PASD1: variants seen among roughly 807,000 people sequenced by gnomAD.
The protein encoded by PASD1 is circadian clock protein PASD1.
In PASD1, 13 loss-of-function variants were observed where a neutral mutation model predicts 58.8. The observed-to-expected ratio is 0.22, with a 90% confidence interval of 0.14 to 0.35. The LOEUF (loss-of-function observed/expected upper bound fraction) is 0.35. PASD1 is among the 10% of genes least tolerant of loss of function. The pLI is 1.00. For missense variants in PASD1, 734 were observed against 568.3 expected (o/e 1.29, Z -2.96); for synonymous variants, 236 against 216.7 (o/e 1.09, Z -0.78).
At chrX:151,602,510 C>T (rs1231567486) in intron 2 of PASD1, among the ~76,000 whole-genome samples, 2 of 110,237 alleles carry the variant, frequency 1.8e-5, no homozygotes, top group Admixed American at 9.7e-5. Context: ...GCCTGGCCAA[C>T]GTGGTGAAAC....
At chrX:151,618,752 CAGG>C (rs1468762045) in intron 4 of PASD1, among the ~76,000 whole-genome samples, 4 of 111,248 alleles carry the variant, frequency 3.6e-5, no homozygotes, top group Non-Finnish European at 5.7e-5. Flanking sequence ...CTTCACATTT[CAGG>C]AGGAGTTAGT....
intron 8 of PASD1, among the ~76,000 whole-genome samples, chrX:151,627,004 A>G (rs1275084055): frequency 3.6e-5 from 4 of 111,443 alleles, no homozygotes; most frequent in African/African-American, 1.3e-4. Flanking sequence ...CATGGTGGCT[A>G]GCTATTTACA....
chrX:151,588,642 A>G (rs1228666111), intron 1 of PASD1, among the ~76,000 whole-genome samples: 1 of 111,687 alleles, frequency 9.0e-6, no homozygotes, highest in Non-Finnish European at 1.9e-5. Context: ...TAGGCCTGCC[A>G]GGAACTGCCT....
intron 1 of PASD1, among the ~76,000 whole-genome samples, chrX:151,587,401 G>A (rs2013182168): frequency 9.0e-6 from 1 of 110,895 alleles, no homozygotes; most frequent in African/African-American, 3.3e-5. Context: ...ACCAGGCACA[G>A]TTTAGGGTGC....
At chrX:151,650,839 G>A (rs1416335153) in intron 9 of PASD1, among the ~76,000 whole-genome samples, 1 of 111,614 alleles carries the variant, frequency 9.0e-6, no homozygotes, top group Non-Finnish European at 1.9e-5. Flanking sequence ...TTGCAGAGAG[G>A]GAGAACACAT....
chrX:151,576,243 C>T (rs2013004539), intron 1 of PASD1, among the ~76,000 whole-genome samples: 3 of 110,692 alleles, frequency 2.7e-5, no homozygotes, highest in Non-Finnish European at 3.8e-5. Context: ...TGGGCTCAAG[C>T]GATCCTCCTG....
At chrX:151,627,112 C>G (rs1047921051) in intron 8 of PASD1, among the ~76,000 whole-genome samples, 5 of 111,563 alleles carry the variant, frequency 4.5e-5, no homozygotes, top group African/African-American at 1.6e-4. Flanking sequence ...GACATGTCTG[C>G]TCATGCCATG....
intron 8 of PASD1, among the ~76,000 whole-genome samples, chrX:151,632,184 G>A (rs1170833265): frequency 1.8e-5 from 2 of 110,749 alleles, no homozygotes; most frequent in Non-Finnish European, 3.8e-5. Flanking sequence ...AATACTACTA[G>A]ATTTTGAAAT....
intron 3 of PASD1, among the ~76,000 whole-genome samples, chrX:151,608,146 A>ATT (rs1461828196): frequency 9.1e-6 from 1 of 110,344 alleles, no homozygotes; most frequent in African/African-American, 3.3e-5. Context: ...TTCACTGTGT[A>ATT]TTTCACTGTT....
chrX:151,622,813 C>T (rs1327968641), intron 6 of PASD1, 124 bp from the exon 7 acceptor site: 1 of 737,207 alleles, frequency 1.4e-6, no homozygotes, highest in Non-Finnish European at 1.9e-6. Flanking sequence ...AGGAAAAATC[C>T]CATGGCTCAG....
chrX:151,611,237 CCAT>C (rs1263326544), intron 3 of PASD1, among the ~76,000 whole-genome samples: 28 of 111,861 alleles, frequency 2.5e-4, no homozygotes, highest in African/African-American at 9.1e-4. Context: ...GCTATTGAAT[CCAT>C]CATACAGCAG....
intron 14 of PASD1, chrX:151,672,871 A>G (rs982348748): frequency 1.9e-6 from 1 of 539,228 alleles, no homozygotes; most frequent in African/African-American, 2.3e-5. Context: ...CCATTGATGG[A>G]ACAAAGGGGT....
Position 151,674,166 on chromosome X carries a change from G to A in PASD1, c.2155G>A (p.Gly719Ser). The change falls in exon 15 of 16, where the codon GGC (glycine) becomes AGC (serine). Residue 719 changes from glycine (G) to serine (S), a missense_variant. Physicochemically the swap from Gly to Ser is moderately conservative, Grantham distance 56. Transcript: ENST00000370357. ...WSCDEQGTLH[G>S]QPTYHQVQVS... ...TTGCGATGAGCAGGGCACCCTGCAC[G>A]GCCAACCCACCTACCATCAGGTATG... 2 of 1,211,785 alleles carry A rather than the reference G, an allele frequency of 1.7e-6. No individual in the cohort carries two copies. The highest frequency in any genetic ancestry group is 1.7e-5 in the African/African-American group (1 of 57,786).
chrX:151,619,136 G>A (rs918672465), intron 4 of PASD1, among the ~76,000 whole-genome samples: 1 of 110,791 alleles, frequency 9.0e-6, no homozygotes, highest in African/African-American at 3.3e-5. Context: ...ACCAAGTGGC[G>A]AAAAGTGAAC....
intron 4 of PASD1, among the ~76,000 whole-genome samples, chrX:151,614,452 T>C (rs1428212724): frequency 1.8e-5 from 2 of 112,013 alleles, no homozygotes; most frequent in Non-Finnish European, 3.8e-5. Flanking sequence ...TATACGTGTG[T>C]TTGAAGAGGG....
At chrX:151,625,569 A>T in intron 8 of PASD1, 39 bp downstream of exon 8, 1 of 1,026,952 alleles carries the variant, frequency 9.7e-7, no homozygotes, top group Non-Finnish European at 1.3e-6. Flanking sequence ...AAGATCTAGA[A>T]TTCAATTTTA....
chrX:151,565,225 G>A (rs2012817616), intron 1 of PASD1, among the ~76,000 whole-genome samples: 1 of 112,231 alleles, frequency 8.9e-6, no homozygotes, highest in African/African-American at 3.2e-5. Flanking sequence ...AGAGTACTGA[G>A]GGGTAAAGAC....
At chrX:151,658,387 T>G (rs964811587) in intron 9 of PASD1, among the ~76,000 whole-genome samples, 3 of 112,667 alleles carry the variant, frequency 2.7e-5, no homozygotes, top group Non-Finnish European at 5.6e-5. Context: ...TTAAGTTAAT[T>G]TAAGCTCACT....
At chrX:151,564,989 C>T (rs2012813599) in intron 1 of PASD1, among the ~76,000 whole-genome samples, 1 of 112,127 alleles carries the variant, frequency 8.9e-6, no homozygotes, top group Non-Finnish European at 1.9e-5. Flanking sequence ...AATTAATCTA[C>T]CCTGGATTAT....
Sources: allele counts gnomAD v4.1 joint callset (sites outside exome capture counted in the v4.1 genomes callset), GRCh38; gene constraint gnomAD v4.1.1; transcripts MANE v1.5; gene names NCBI Gene and HGNC (gene_info 2026-07-23, HGNC 2026-07-21).